DLGAP2: variants seen among roughly 807,000 people sequenced by gnomAD.
The protein encoded by DLGAP2 is DLG associated protein 2, also known as disks large-associated protein 2.
In DLGAP2, 26 loss-of-function variants were observed where a neutral mutation model predicts 100.3. The observed-to-expected ratio is 0.26, with a 90% CI of 0.19 to 0.36. DLGAP2 has a LOEUF of 0.36. Ranked by LOEUF, DLGAP2 falls within the 10% of genes least tolerant of loss-of-function variation. The pLI, the probability that DLGAP2 is intolerant of heterozygous loss-of-function variation, is 1.00. For missense variants in DLGAP2, 1,858 were observed against 1,453.2 expected, an observed-to-expected ratio of 1.28 and a Z score of -4.53; for synonymous variants, 886 against 630.1, an observed-to-expected ratio of 1.41 and a Z score of -6.08.
At chr8:1,210,382 C>T (rs530453162) in intron 2 of DLGAP2, among the ~76,000 whole-genome samples, 1 of 152,180 alleles carries the variant, frequency 6.6e-6, no homozygotes, top group Non-Finnish European at 1.5e-5. Context: ...ATGCAGCCTG[C>T]AGCAGGGGAA....
At chr8:1,054,883 TTGTG>T (rs1238406233) in intron 2 of DLGAP2, among the ~76,000 whole-genome samples, 1 of 152,248 alleles carries the variant, frequency 6.6e-6, no homozygotes, top group East Asian at 1.9e-4. Flanking sequence ...CATTAATGCT[TTGTG>T]TTTGTTTTAT....
chr8:1,702,819 C>T lies in DLGAP2; in HGVS notation c.*1413C>T, dbSNP rs879683540. ...TTCCATGGGTTCCAGTTTCAGAGTT[C>T]TCATTATTACTCAAAGTAAAAGCGG... On this transcript the variant is annotated 3_prime_UTR_variant, in exon 15 of 15. Transcript: ENST00000637795. The T allele has an allele frequency of 2.9e-4, 45 of 152,632 alleles. No homozygotes were observed. Among genetic ancestry groups the T allele is most frequent in the Admixed American group, 2.9e-3 (45 of 15,296 alleles). 9.5% of individuals were successfully genotyped at this position (152,632 alleles called of 1,614,324 possible). A position where few individuals can be genotyped will look rare whatever the true frequency, so the allele number is the denominator to read the frequency against.
chr8:1,082,192 C>T (rs1368959464), intron 2 of DLGAP2, among the ~76,000 whole-genome samples: 1 of 152,128 alleles, frequency 6.6e-6, no homozygotes, highest in Admixed American at 6.5e-5. Flanking sequence ...CATCTCTTGT[C>T]GATCTAGAAC....
At chr8:1,213,997 C>T (rs1252937025) in intron 2 of DLGAP2, among the ~76,000 whole-genome samples, 1 of 149,918 alleles carries the variant, frequency 6.7e-6, no homozygotes, top group Admixed American at 6.6e-5. Flanking sequence ...GCCCTAGCAT[C>T]CATTCAGAGA....
chr8:822,020 T>C, intron 1 of DLGAP2: 1 of 397,754 alleles, frequency 2.5e-6, no homozygotes, highest in Non-Finnish European at 4.4e-6. Flanking sequence ...TACATTCCAT[T>C]TTTTTCCCCA....
intron 4 of DLGAP2, among the ~76,000 whole-genome samples, chr8:1,539,976 C>T (rs936546034): frequency 7.9e-5 from 12 of 152,206 alleles, no homozygotes; most frequent in African/African-American, 2.9e-4. Flanking sequence ...CCTCCAGACT[C>T]AGAAGCCCAG....
intron 2 of DLGAP2, among the ~76,000 whole-genome samples, chr8:1,211,797 C>T (rs1307383577): frequency 3.3e-5 from 5 of 152,220 alleles, no homozygotes; most frequent in Non-Finnish European, 5.9e-5. Context: ...ATTGCTTGAA[C>T]CCGGGAGGTG....
At chr8:837,825 T>G (rs1796908020) in intron 1 of DLGAP2, among the ~76,000 whole-genome samples, 1 of 150,602 alleles carries the variant, frequency 6.6e-6, no homozygotes, top group Non-Finnish European at 1.5e-5. Context: ...CAAGCAATTC[T>G]CCTGCCTCAT....
intron 3 of DLGAP2, among the ~76,000 whole-genome samples, chr8:1,455,501 C>G (rs537333448): frequency 1.3e-5 from 2 of 152,234 alleles, no homozygotes; most frequent in Non-Finnish European, 2.9e-5. Context: ...CCGTGTCCTT[C>G]ACGCCTGAGC....
At chr8:780,072 C>T (rs1420981870) in intron 1 of DLGAP2, among the ~76,000 whole-genome samples, 1 of 152,128 alleles carries the variant, frequency 6.6e-6, no homozygotes, top group African/African-American at 2.4e-5. Context: ...GCTGTGTTTG[C>T]CATGCAATGC....
intron 2 of DLGAP2, among the ~76,000 whole-genome samples, chr8:1,219,216 C>T (rs919426891): frequency 6.6e-6 from 1 of 152,204 alleles, no homozygotes; most frequent in African/African-American, 2.4e-5. Context: ...AAGGGAAATG[C>T]CTCCAGCTTT....
At chr8:1,228,462 GC>G (rs1798467787) in intron 2 of DLGAP2, among the ~76,000 whole-genome samples, 1 of 152,148 alleles carries the variant, frequency 6.6e-6, no homozygotes, top group African/African-American at 2.4e-5. Flanking sequence ...ATTCTGTGAA[GC>G]CGATATTTGT....
rs183026803 is a variant in DLGAP2 at position 1,009,653 on chromosome 8, A to G, written c.73+101687A>G. Reference sequence around the variant, plus strand: ...CCATTACCTGGACTGACTTAGCTCAATGTTGGTTTTCATTCTTCGAGGAAC... The same window carrying G: ...CCATTACCTGGACTGACTTAGCTCAGTGTTGGTTTTCATTCTTCGAGGAAC... On this transcript the variant is annotated intron_variant, in intron 2 of 14. Coordinates refer to ENST00000637795, the MANE Select transcript of DLGAP2 (RefSeq NM_001346810.2). Among the ~76,000 whole-genome samples the G allele has an allele frequency of 3.0e-4, 45 of 152,308 alleles. 1 individual carries two copies. The South Asian group carries it at 7.7e-3, about 26-fold the overall frequency.
intron 6 of DLGAP2, among the ~76,000 whole-genome samples, chr8:1,571,677 T>G (rs1336555792): frequency 7.6e-5 from 5 of 65,686 alleles, no homozygotes; most frequent in African/African-American, 1.3e-4. Flanking sequence ...GGGTGAACTG[T>G]GGGGGCATCT....
At chr8:1,464,240 C>A (rs1466770044) in intron 3 of DLGAP2, among the ~76,000 whole-genome samples, 21 of 132,884 alleles carry the variant, frequency 1.6e-4, no homozygotes, top group African/African-American at 3.5e-4. Flanking sequence ...CAGGACGACA[C>A]CCTTCCAGGA....
intron 2 of DLGAP2, among the ~76,000 whole-genome samples, chr8:1,251,664 T>C (rs1799042949): frequency 6.6e-6 from 1 of 152,206 alleles, no homozygotes. Flanking sequence ...CTGTGTCAGG[T>C]CATGTTGGAA....
chr8:1,011,614 G>A (rs1801288975), intron 2 of DLGAP2, among the ~76,000 whole-genome samples: 1 of 145,150 alleles, frequency 6.9e-6, no homozygotes, highest in Non-Finnish European at 1.5e-5. Flanking sequence ...TCCTCAGTCT[G>A]CACAGTGGGC....
chr8:1,455,256 G>C (rs1221127345), intron 3 of DLGAP2, among the ~76,000 whole-genome samples: 2 of 152,230 alleles, frequency 1.3e-5, no homozygotes. Context: ...GTGCAGGTGG[G>C]TCCCGCCCAT....
chr8:1,370,348 C>T (rs190989629), intron 3 of DLGAP2, among the ~76,000 whole-genome samples: 1 of 152,278 alleles, frequency 6.6e-6, no homozygotes, highest in African/African-American at 2.4e-5. Flanking sequence ...TCTCCCTGGG[C>T]AGGTGGGGTT....
Sources: gnomAD v4.1 joint callset for allele counts (sites outside exome capture counted in the v4.1 genomes callset) on GRCh38, gnomAD v4.1.1 for gene constraint, MANE v1.5 for transcripts, NCBI Gene and HGNC (gene_info 2026-07-23, HGNC 2026-07-21) for gene names.